The following PABPC1 variants were observed in gnomAD, a reference collection of about 807,000 sequenced individuals.
PABPC1 encodes polyadenylate-binding protein 1.
PABPC1 carries 4 observed loss-of-function variants against 74.0 expected under a neutral mutation model. The observed-to-expected ratio is 0.05, with a 90% CI of 0.03 to 0.12. The LOEUF (loss-of-function observed/expected upper bound fraction) is 0.12, where lower values mean the gene tolerates loss of function less well. PABPC1 is among the 10% of genes least tolerant of loss of function. PABPC1 has a pLI of 1.00. For missense variants in PABPC1, 271 were observed against 821.1 expected (o/e 0.33, Z 8.19); for synonymous variants, 227 against 264.1 (o/e 0.86, Z 1.36).
chr8:100,703,482 T>G (rs1810298334), intron 14 of PABPC1, 123 bp from the exon 15 acceptor site: 1 of 152,286 alleles, frequency 6.6e-6, no homozygotes, highest in Admixed American at 6.5e-5. Context: ...CAGCCATACC[T>G]GTTCATTTGT....
chr8:100,714,427 G>A (rs1035302789), intron 4 of PABPC1, among the ~76,000 whole-genome samples: 3 of 152,142 alleles, frequency 2.0e-5, no homozygotes, highest in Non-Finnish European at 4.4e-5. Flanking sequence ...TGCTAGCATG[G>A]CAGTAAGATA....
In PABPC1 at chr8:100,717,904, T is replaced by A. The variant is rs2129749688; in HGVS notation, c.388-16A>T. 6.9e-7 allele frequency: 1 copy of A among 1,457,306 alleles called. No individual in the cohort carries two copies. The allele number at this position is 1,457,306 out of a possible 1,614,324, so 90.3% of individuals were successfully genotyped here. A position where few individuals can be genotyped will look rare whatever the true frequency, so the allele number is the denominator to read the frequency against. On this transcript the variant is annotated splice_polypyrimidine_tract_variant and intron_variant, in intron 2 of 14. Coordinates refer to ENST00000318607, the MANE Select transcript of PABPC1 (RefSeq NM_002568.4). ...CACAAACCACCTAGGGAAAAACATATACCCATTTTTCTTTATTTGCTATTG... is the reference window on the plus strand; with the variant it reads ...CACAAACCACCTAGGGAAAAACATAAACCCATTTTTCTTTATTTGCTATTG...
In PABPC1 at chr8:100,720,334, C is replaced by A. The variant is rs114291347; in HGVS notation, c.193+1057G>T. Among the ~76,000 whole-genome samples, 170 of 152,248 alleles carry A rather than the reference C, an allele frequency of 1.1e-3. 2 individuals carry two copies. Among genetic ancestry groups the A allele is most frequent in the African/African-American group, 3.9e-3 (160 of 41,528 alleles). On this transcript the variant is annotated intron_variant, in intron 1 of 14. Coordinates refer to ENST00000318607, the MANE Select transcript of PABPC1 (RefSeq NM_002568.4). ...TAAAAGCACAAAGTTAGCTGCATTT[C>A]CCCCATAAATTTCAAGCTCAATTTA...
At chr8:100,715,728 A>G in intron 3 of PABPC1, 127 bp from the exon 4 acceptor site, 1 of 586,106 alleles carries the variant, frequency 1.7e-6, no homozygotes, top group Non-Finnish European at 2.8e-6. Context: ...AGCACACTAC[A>G]AAATAGAAAT....
intron 9 of PABPC1, among the ~76,000 whole-genome samples, chr8:100,707,419 TGA>T (rs1209565123): frequency 6.6e-6 from 1 of 151,826 alleles, no homozygotes; most frequent in Non-Finnish European, 1.5e-5. Flanking sequence ...GTAAAGAGTG[TGA>T]GTCATCTCCA....
intron 4 of PABPC1, 66 bp downstream of exon 4, chr8:100,715,396 A>G: frequency 1.5e-6 from 2 of 1,345,376 alleles, no homozygotes; most frequent in Non-Finnish European, 2.0e-6. Context: ...ATAAAGTAAT[A>G]GCTAAAATTA....
intron 1 of PABPC1, 77 bp from the exon 2 acceptor site, chr8:100,718,357 G>T: frequency 8.7e-7 from 1 of 1,155,272 alleles, no homozygotes; most frequent in South Asian, 1.5e-5. Flanking sequence ...AAACTATGGT[G>T]ACTGGAGTGG....
intron 7 of PABPC1, among the ~76,000 whole-genome samples, chr8:100,710,389 G>A (rs1396660319): frequency 2.0e-5 from 3 of 152,138 alleles, no homozygotes; most frequent in Non-Finnish European, 4.4e-5. Flanking sequence ...AGTGGCATAG[G>A]AACAAACGGT....
chr8:100,704,316 G>A lies in PABPC1; in HGVS notation c.1893C>T (p.Thr631=), dbSNP rs146621651. The A allele has an allele frequency of 4.0e-4, 653 of 1,613,448 alleles. 3 individuals are homozygous for A. Among genetic ancestry groups the A allele is most frequent in the South Asian group, 1.5e-3 (140 of 91,066 alleles). ...GCTCACTTTAAACAGTTGGAACACC[G>A]GTGGCACTGTTAACTGCTTTCTGGG... is the stretch of plus-strand genomic sequence containing the variant. ...EAAQKAVNSA[T]GVPTV is the part of the protein sequence containing the mutation. Residue 631 remains threonine (T), a synonymous_variant, in exon 14 of 15, where the codon ACC becomes ACT. Coordinates refer to ENST00000318607, the MANE Select transcript of PABPC1 (RefSeq NM_002568.4).
chr8:100,704,881 G>GT (rs1810341631), intron 13 of PABPC1, 45 bp downstream of exon 13: 1 of 1,603,356 alleles, frequency 6.2e-7, no homozygotes, highest in South Asian at 1.1e-5. Flanking sequence ...AAAAAGCCAC[G>GT]TAATAACTGT....
intron 1 of PABPC1, among the ~76,000 whole-genome samples, chr8:100,720,085 T>C (rs1563617079): frequency 1.3e-5 from 2 of 152,234 alleles, no homozygotes; most frequent in Non-Finnish European, 2.9e-5. Context: ...AATTCCACCC[T>C]TAAGGCCTTT....
Position 100,718,156 on chromosome 8 carries a change from C to G in PABPC1, c.318G>C (p.Leu106=), listed in dbSNP as rs1810721647. 1 of 1,614,012 alleles carries G rather than the reference C, an allele frequency of 6.2e-7. No individual in the cohort carries two copies. The highest frequency in any genetic ancestry group is 1.3e-5 in the African/African-American group (1 of 74,916). Residue 106 remains leucine, a synonymous_variant, in exon 2 of 15, where the codon CTG becomes CTC. Coordinates refer to ENST00000318607, the MANE Select transcript of PABPC1 (RefSeq NM_002568.4). ...GTGCTTTATTATCAATGGATTTGTC[C>G]AGATTTTTAATGAATATGTTGCCTA... The part of the protein sequence containing the change: ...SGVGNIFIKN[L]DKSIDNKALY...
In PABPC1 at chr8:100,721,353, G is replaced by T; in HGVS notation, c.193+38C>A. The T allele has an allele frequency of 7.9e-7, 1 of 1,270,494 alleles. No homozygotes were observed. The highest frequency in any genetic ancestry group is 1.0e-6 in the Non-Finnish European group (1 of 974,796). 78.7% of individuals were successfully genotyped at this position (1,270,494 alleles called of 1,614,324 possible). A position where few individuals can be genotyped will look rare whatever the true frequency, so the allele number is the denominator to read the frequency against. On this transcript the variant is annotated intron_variant, in intron 1 of 14. Coordinates refer to ENST00000318607, the MANE Select transcript of PABPC1 (RefSeq NM_002568.4). The surrounding 1 kb of genome is among the most constrained non-coding windows in gnomAD (Gnocchi z 7.4). ...CCGCCGCCGCCCGAGCCTCATGGCC[G>T]CCCGCCCGCCCGGCCGACCGCGGAG... is the stretch of plus-strand genomic sequence containing the variant.
chr8:100,721,735 GC>G lies in PABPC1; in HGVS notation c.-153del. 1.6e-6 allele frequency: 1 copy of G among 627,450 alleles called. No individual in the cohort carries two copies. The highest frequency in any genetic ancestry group is 2.5e-6 in the Non-Finnish European group (1 of 399,978). 38.9% of individuals were successfully genotyped at this position (627,450 alleles called of 1,614,324 possible). On this transcript the variant is annotated 5_prime_UTR_variant, in exon 1 of 15. Coordinates refer to ENST00000318607, the MANE Select transcript of PABPC1 (RefSeq NM_002568.4). This position sits in a 1 kb window ranked among gnomAD's most constrained non-coding sequence, Gnocchi z 7.4. ...AACCGGAATTGAAAACTACTCAACG[GC>G]CGCAGAACGGGGTCGATCCACTGCC... is the stretch of plus-strand genomic sequence containing the variant.
At chr8:100,716,249 A>G (rs548193926) in intron 3 of PABPC1, among the ~76,000 whole-genome samples, 1 of 152,280 alleles carries the variant, frequency 6.6e-6, no homozygotes, top group East Asian at 1.9e-4. Context: ...TAAAGTACAA[A>G]AATTAGTTGG....
At chr8:100,714,924 T>C (rs1400445586) in intron 4 of PABPC1, among the ~76,000 whole-genome samples, 1 of 152,182 alleles carries the variant, frequency 6.6e-6, no homozygotes, top group African/African-American at 2.4e-5. Flanking sequence ...TTTTATGAAG[T>C]TATTTTTAAA....
rs1810839181 is a variant in PABPC1, at chr8:100,721,746, G to C, written c.-163C>G. On this transcript the variant is annotated 5_prime_UTR_variant, in exon 1 of 15. Coordinates refer to ENST00000318607, the MANE Select transcript of PABPC1 (RefSeq NM_002568.4). The surrounding 1 kb of genome is among the most constrained non-coding windows in gnomAD (Gnocchi z 7.4). ...AAAACTACTCAACGGCCGCAGAACG[G>C]GGTCGATCCACTGCCGCTGGCTGCC... is the stretch of plus-strand genomic sequence containing the variant. The C allele has an allele frequency of 1.7e-6, 1 of 584,442 alleles. No homozygotes were observed. The highest frequency in any genetic ancestry group is 3.7e-5 in the Admixed American group (1 of 27,088). The allele number at this position is 584,442 out of a possible 1,614,324, so 36.2% of individuals were successfully genotyped here.
At chr8:100,704,441 A>G (rs1810329025) in intron 13 of PABPC1, 51 bp from the exon 14 acceptor site, 1 of 1,420,546 alleles carries the variant, frequency 7.0e-7, no homozygotes, top group African/African-American at 1.4e-5. Flanking sequence ...ATGGAAATAA[A>G]GAGTTTCATA....
intron 9 of PABPC1, 155 bp from the exon 10 acceptor site, chr8:100,707,152 C>CA: frequency 1.8e-6 from 1 of 567,792 alleles, no homozygotes; most frequent in Middle Eastern, 2.7e-4. Flanking sequence ...TTCCCAGACT[C>CA]AGAGCATCAA....
Sources: gnomAD v4.1 joint callset for allele counts (sites outside exome capture counted in the v4.1 genomes callset) on GRCh38, gnomAD v4.1.1 for gene constraint, Gnocchi (gnomAD v3.1) non-coding constraint, MANE v1.5 for transcripts, NCBI Gene and HGNC (gene_info 2026-07-23, HGNC 2026-07-21) for gene names.